Variants in TRMT10B observed in about 807,000 individuals in gnomAD.
TRMT10B encodes tRNA methyltransferase 10B.
In TRMT10B, 33 loss-of-function variants were observed where a neutral mutation model predicts 43.8. That is an observed-to-expected ratio of 0.75 (90% CI 0.57 to 1.01). TRMT10B has a LOEUF of 1.01. Ranked by LOEUF, TRMT10B falls within the 50% of genes least tolerant of loss-of-function variation. The probability of loss-of-function intolerance (pLI) is 0.00; values close to 1 mark genes in which losing one functional copy is unlikely to be tolerated. For synonymous variants in TRMT10B, 137 were observed against 130.6 expected (o/e 1.05, Z -0.34); for missense variants, 362 against 369.8 (o/e 0.98, Z 0.17).
chr9:37,765,465 A>G (rs890439865), intron 4 of TRMT10B, among the ~76,000 whole-genome samples: 1 of 150,524 alleles, frequency 6.6e-6, no homozygotes, highest in African/African-American at 2.4e-5. Context: ...TCCATGGTAT[A>G]TATGTGCCAC....
chr9:37,756,182 G>T (rs150499184), intron 1 of TRMT10B, among the ~76,000 whole-genome samples: 1,575 of 152,298 alleles, frequency 0.01, 18 homozygotes, highest in Admixed American at 0.015. Flanking sequence ...AAGTTTAAAG[G>T]AGGAAGAGAT....
At chr9:37,769,124 A>C (rs1025853660) in intron 5 of TRMT10B, among the ~76,000 whole-genome samples, 1 of 151,794 alleles carries the variant, frequency 6.6e-6, no homozygotes, top group East Asian at 1.9e-4. Context: ...CCTTGGCAAT[A>C]TGGTGAAACC....
At chr9:37,770,477 G>A (rs984421582) in intron 6 of TRMT10B, among the ~76,000 whole-genome samples, 195 bp from the exon 7 acceptor site, 2 of 151,948 alleles carry the variant, frequency 1.3e-5, no homozygotes, top group African/African-American at 2.4e-5. Flanking sequence ...ACCCTTTTTC[G>A]TGATTAGCTA....
At chr9:37,759,028 T>C (rs1330390969) in intron 1 of TRMT10B, among the ~76,000 whole-genome samples, 1 of 152,156 alleles carries the variant, frequency 6.6e-6, no homozygotes, top group Non-Finnish European at 1.5e-5. Context: ...TGTGGAACAT[T>C]TGGAATGCTC....
At chr9:37,774,063 C>T (rs537549635) in intron 7 of TRMT10B, among the ~76,000 whole-genome samples, 4 of 152,188 alleles carry the variant, frequency 2.6e-5, no homozygotes, top group African/African-American at 9.6e-5. Context: ...CCTTGCTCTG[C>T]TGCCCAGGCT....
At chr9:37,756,580 C>T (rs1825701835) in intron 1 of TRMT10B, among the ~76,000 whole-genome samples, 1 of 151,788 alleles carries the variant, frequency 6.6e-6, no homozygotes, top group South Asian at 2.1e-4. Flanking sequence ...GTGGTGCGTG[C>T]CCGTAGACCC....
chr9:37,776,346 A>G lies in TRMT10B; in HGVS notation c.785A>G (p.Tyr262Cys). 6.2e-7 allele frequency: 1 copy of G among 1,612,594 alleles called. No homozygotes were observed. ...VKTARLPIQEYMVRNQNGKNY... is the reference protein window; with the variant it reads ...VKTARLPIQECMVRNQNGKNY... ...ACCGCACGCTTGCCAATCCAGGAAT[A>G]CATGGTCAGAAACCAGAATGGGAAA... is the stretch of plus-strand genomic sequence containing the variant. The change falls in exon 8 of 9, where the codon TAC becomes TGC. Residue 262 changes from tyrosine to cysteine, a missense_variant. By Grantham distance (194) the Tyr-to-Cys change is radical (BLOSUM62 -2). Coordinates refer to ENST00000297994, the MANE Select transcript of TRMT10B (RefSeq NM_144964.4).
Position 37,762,576 on chromosome 9 carries a change from GA to G in TRMT10B, c.191del (p.Asn64MetfsTer12). 6.3e-7 allele frequency: 1 copy of G among 1,581,348 alleles called. No individual in the cohort carries two copies. The highest frequency in any genetic ancestry group is 1.8e-5 in the Admixed American group (1 of 54,770). On this transcript the variant is annotated frameshift_variant and splice_region_variant, in exon 3 of 9. Coordinates refer to ENST00000297994, the MANE Select transcript of TRMT10B (RefSeq NM_144964.4). LOFTEE classifies it high-confidence loss of function. ...LATGSTAWCS[K>X]NVQRKQRHWE... ...CAATTTTGTTTTCTGGATAATATAA[GA>G]AAAATGTCCAGAGAAAACAGAGACA...
intron 4 of TRMT10B, 159 bp downstream of exon 4, chr9:37,763,912 C>T: frequency 7.0e-7 from 1 of 1,434,840 alleles, no homozygotes; most frequent in Non-Finnish European, 9.3e-7. Context: ...TCCAAGGTGG[C>T]TGTTGTAACG....
chr9:37,771,588 G>A (rs1248628142), intron 7 of TRMT10B, among the ~76,000 whole-genome samples: 2 of 152,158 alleles, frequency 1.3e-5, no homozygotes, highest in Admixed American at 1.3e-4. Flanking sequence ...AATACGAGCA[G>A]GGGCTACTTA....
intron 1 of TRMT10B, among the ~76,000 whole-genome samples, chr9:37,756,829 CGTGTGTATGTAT>C (rs1563983168): frequency 6.8e-6 from 1 of 147,138 alleles, no homozygotes; most frequent in Non-Finnish European, 1.5e-5. Context: ...TGTGTGTATG[CGTGTGTATGTAT>C]GTGTGTATAT....
chr9:37,765,784 T>C (rs898067341), intron 4 of TRMT10B, among the ~76,000 whole-genome samples: 2 of 152,226 alleles, frequency 1.3e-5, no homozygotes, highest in African/African-American at 4.8e-5. Flanking sequence ...CCATTCTAAC[T>C]GGTGTGAGGT....
rs368056316 is a variant in TRMT10B at position 37,755,615 on chromosome 9, G to GGT, written c.-30+1765_-30+1766dup. The stretch of plus-strand genomic sequence containing the variant: ...AACAGAGATACAAAGATACAAAAGA[G>GGT]GTGGGCCCCGCCTTCAGGAGTGTTA... On this transcript the variant is annotated intron_variant, in intron 1 of 8. Coordinates refer to ENST00000297994, the MANE Select transcript of TRMT10B (RefSeq NM_144964.4). Among the ~76,000 whole-genome samples the GGT allele has an allele frequency of 6.9e-3, 1,053 of 152,284 alleles. 15 individuals are homozygous for GGT. Among genetic ancestry groups the GGT allele is most frequent in the African/African-American group, 0.024 (1,014 of 41,544 alleles).
upstream of TRMT10B, among the ~76,000 whole-genome samples, chr9:37,753,459 A>G (rs1369605142): frequency 1.3e-5 from 2 of 152,180 alleles, no homozygotes; most frequent in African/African-American, 4.8e-5. Flanking sequence ...CCTTCGGCAG[A>G]GAGGGAGGTC....
intron 7 of TRMT10B, among the ~76,000 whole-genome samples, chr9:37,774,630 C>T (rs1323690395): frequency 6.6e-6 from 1 of 152,170 alleles, no homozygotes; most frequent in Non-Finnish European, 1.5e-5. Flanking sequence ...AGGAATAAGA[C>T]TTTTTATAAA....
rs1312035487 is a variant in TRMT10B, at chr9:37,763,630, C to T, written c.297C>T (p.Gly99=). Residue 99 remains glycine, a splice_region_variant and synonymous_variant, in exon 4 of 9, where the codon GGC becomes GGT. Transcript: ENST00000297994. The stretch of plus-strand genomic sequence containing the variant: ...TTCTTTCTGATATTTCTGCTTTAGG[C>T]ATTTGCCCCCAGCACAGCAAACGTT... ...RRKANRAENP[G]ICPQHSKRFL... is the part of the protein sequence containing the mutation. The T allele has an allele frequency of 6.2e-6, 10 of 1,613,348 alleles. No individual in the cohort carries two copies. The highest frequency in any genetic ancestry group is 8.5e-6 in the Non-Finnish European group (10 of 1,179,664).
chr9:37,770,047 T>TAGCC, intron 6 of TRMT10B, 28 bp downstream of exon 6: 1 of 1,568,802 alleles, frequency 6.4e-7, no homozygotes, highest in Admixed American at 1.7e-5. Flanking sequence ...TGGATTCGTA[T>TAGCC]AGCCCATTGT....
At chr9:37,770,799 A>C (rs1050957580) in intron 7 of TRMT10B, 60 bp downstream of exon 7, 16 of 1,564,688 alleles carry the variant, frequency 1.0e-5, no homozygotes, top group Non-Finnish European at 1.4e-5. Context: ...TTTTAGAGGC[A>C]TGTGCCCTGT....
At chr9:37,777,510 T>C in intron 8 of TRMT10B, 91 bp from the exon 9 acceptor site, 2 of 1,092,328 alleles carry the variant, frequency 1.8e-6, no homozygotes, top group African/African-American at 1.5e-5. Context: ...AGAATAGGTT[T>C]GTTGAACGAA....
Sources: gnomAD v4.1 joint callset for allele counts (sites outside exome capture counted in the v4.1 genomes callset) on GRCh38, gnomAD v4.1.1 for gene constraint, MANE v1.5 for transcripts, NCBI Gene and HGNC (gene_info 2026-07-23, HGNC 2026-07-21) for gene names.